Variants in SETDB2 observed in about 807,000 individuals in gnomAD.
SETDB2 encodes the protein SET domain bifurcated histone lysine methyltransferase 2.
SETDB2 carries 56 observed loss-of-function variants against 82.5 expected under a neutral mutation model. That is an observed-to-expected ratio of 0.68 (90% confidence interval 0.55 to 0.85). The LOEUF (loss-of-function observed/expected upper bound fraction) is 0.85. SETDB2 is among the 40% of genes least tolerant of loss of function. SETDB2 has a pLI of 0.00. For synonymous variants in SETDB2, 272 were observed against 284.9 expected, an observed-to-expected ratio of 0.95 and a Z score of 0.46; for missense variants, 677 against 816.4, an observed-to-expected ratio of 0.83 and a Z score of 2.08.
chr13:49,469,394 G>A lies in SETDB2; in HGVS notation c.305+1434G>A, dbSNP rs561313605. On this transcript the variant is annotated intron_variant, in intron 5 of 13. Coordinates refer to ENST00000611815, the MANE Select transcript of SETDB2 (RefSeq NM_001160308.3). ...AAGGTTCACTGCCATAGCATTCTGT[G>A]GCATTGCCAGACATTATTCAGACTT... Among the ~76,000 whole-genome samples the A allele has an allele frequency of 1.7e-3, 257 of 152,266 alleles. 1 individual carries two copies. Among genetic ancestry groups the A allele is most frequent in the African/African-American group, 6.1e-3 (252 of 41,548 alleles).
intron 4 of SETDB2, among the ~76,000 whole-genome samples, chr13:49,462,033 A>G (rs1217234542): frequency 6.6e-6 from 1 of 152,198 alleles, no homozygotes; most frequent in Admixed American, 6.5e-5. Flanking sequence ...TGAGAACAGG[A>G]GCTTCTGTCC....
chr13:49,489,581 G>C (rs1433289647), intron 12 of SETDB2, among the ~76,000 whole-genome samples: 1 of 143,018 alleles, frequency 7.0e-6, no homozygotes, highest in Non-Finnish European at 1.5e-5. Flanking sequence ...CTCTCTGTAG[G>C]TCATCATATT....
chr13:49,467,810 A>G (rs1179629395), intron 4 of SETDB2, 54 bp from the exon 5 acceptor site: 7 of 1,374,156 alleles, frequency 5.1e-6, no homozygotes, highest in Admixed American at 2.0e-5. Flanking sequence ...GGGTACTTAT[A>G]GCAAATGGTT....
At chr13:49,482,669 A>G in intron 8 of SETDB2, 68 bp from the exon 9 acceptor site, 3 of 995,210 alleles carry the variant, frequency 3.0e-6, no homozygotes, top group Non-Finnish European at 3.0e-6. Context: ...GAGTAGAAAT[A>G]GAGATGTCTG....
Position 49,476,813 on chromosome 13 carries a change from T to C in SETDB2, c.643T>C (p.Tyr215His). 1 of 1,613,994 alleles carries C rather than the reference T, an allele frequency of 6.2e-7. No individual in the cohort carries two copies. Among genetic ancestry groups the C allele is most frequent in the Non-Finnish European group, 8.5e-7 (1 of 1,179,928 alleles). ...LFTDNFSFNTYVQLARNYPKQ... is the reference protein window; with the variant it reads ...LFTDNFSFNTHVQLARNYPKQ... ...TACAGATAACTTTTCTTTCAATACCTATGTTCAGTTGGCTCGGAATTACCC... is the reference window on the plus strand; with the variant it reads ...TACAGATAACTTTTCTTTCAATACCCATGTTCAGTTGGCTCGGAATTACCC... The change falls in exon 6 of 14, where the codon TAT becomes CAT. Residue 215 changes from tyrosine to histidine, a missense_variant. Tyr to His is a moderately conservative substitution (Grantham distance 83). Coordinates refer to ENST00000611815, the MANE Select transcript of SETDB2 (RefSeq NM_001160308.3).
chr13:49,487,892 C>G (rs573368210), intron 11 of SETDB2, among the ~76,000 whole-genome samples: 2 of 152,046 alleles, frequency 1.3e-5, no homozygotes, highest in Admixed American at 6.6e-5. Flanking sequence ...AGAGTGCCTC[C>G]AAAACACCCA....
At chr13:49,485,822 A>C in intron 11 of SETDB2, 99 bp downstream of exon 11, 1 of 1,039,940 alleles carries the variant, frequency 9.6e-7, no homozygotes, top group Non-Finnish European at 1.5e-6. Flanking sequence ...CATAATAAAC[A>C]TGCTGCATTT....
intron 2 of SETDB2, among the ~76,000 whole-genome samples, chr13:49,454,428 A>G (rs975515581): frequency 6.6e-6 from 1 of 152,148 alleles, no homozygotes; most frequent in Non-Finnish European, 1.5e-5. Flanking sequence ...ATAAATAAAA[A>G]TAGAATTTTA....
chr13:49,479,340 G>T (rs1958432071), intron 6 of SETDB2, among the ~76,000 whole-genome samples: 1 of 152,128 alleles, frequency 6.6e-6, no homozygotes, highest in Admixed American at 6.5e-5. Flanking sequence ...ATTATTATCT[G>T]TATTTTTCTG....
chr13:49,445,692 G>C (rs569879958), intron 1 of SETDB2: 1 of 152,064 alleles, frequency 6.6e-6, no homozygotes, highest in South Asian at 2.1e-4. Flanking sequence ...ACTTTGGGAG[G>C]CTGAGGCGGG....
chr13:49,455,323 G>A (rs1337171368), intron 2 of SETDB2, among the ~76,000 whole-genome samples: 4 of 152,148 alleles, frequency 2.6e-5, no homozygotes, highest in Non-Finnish European at 5.9e-5. Context: ...ATTCCTTAAA[G>A]GTTAGTTGGA....
At chr13:49,462,993 A>C (rs893330592) in intron 4 of SETDB2, among the ~76,000 whole-genome samples, 3 of 152,042 alleles carry the variant, frequency 2.0e-5, no homozygotes, top group African/African-American at 7.2e-5. Context: ...AGAGACATAA[A>C]CAAATGTGTT....
At chr13:49,472,791 T>C (rs575363042) in intron 5 of SETDB2, among the ~76,000 whole-genome samples, 1 of 152,330 alleles carries the variant, frequency 6.6e-6, no homozygotes, top group South Asian at 2.1e-4. Context: ...TCTGTTTTTT[T>C]CTCTTCTCCT....
chr13:49,467,894 A>G lies in SETDB2; in HGVS notation c.239A>G (p.Glu80Gly). ...ATGCCTGTGACTCAGAAGGAACAGG[A>G]AAACAAATCCAATGCATTTCCCTCT... is the stretch of plus-strand genomic sequence containing the variant. ...DPMPVTQKEQ[E>G]NKSNAFPSTS... The change falls in exon 5 of 14, where the codon GAA (glutamate) becomes GGA (glycine). Residue 80 changes from glutamate to glycine, a missense_variant. Physicochemically the swap from Glu to Gly is moderately conservative, Grantham distance 98. This residue lies in a region of SETDB2 where 243 missense variants were observed against 237.2 expected (regional missense o/e 1.02). Coordinates refer to ENST00000611815, the MANE Select transcript of SETDB2 (RefSeq NM_001160308.3). 1 of 1,611,468 alleles carries G rather than the reference A, an allele frequency of 6.2e-7. No homozygotes were observed. The highest frequency in any genetic ancestry group is 8.5e-7 in the Non-Finnish European group (1 of 1,179,128).
At chr13:49,489,496 T>A (rs1320396887) in intron 12 of SETDB2, 6 of 150,444 alleles carry the variant, frequency 4.0e-5, no homozygotes, top group Non-Finnish European at 5.9e-5. Flanking sequence ...GTGAAAACTT[T>A]TTGTTTAAAA....
In SETDB2 at chr13:49,444,342, T is replaced by C. The variant is rs900520946; in HGVS notation, c.-857T>C. Reference sequence around the variant, plus strand: ...CTGTTGTGGTTGAGATGAAGGCTAGTAAATGGTGAAGTACTTCCCGGCCAG... The same window carrying C: ...CTGTTGTGGTTGAGATGAAGGCTAGCAAATGGTGAAGTACTTCCCGGCCAG... On this transcript the variant is annotated 5_prime_UTR_variant, in exon 1 of 14. Transcript: ENST00000611815. 2.0e-5 allele frequency: 5 copies of C among 255,256 alleles called. No individual in the cohort carries two copies. The highest frequency in any genetic ancestry group is 6.9e-5 in the African/African-American group (3 of 43,406). 15.8% of individuals were successfully genotyped at this position (255,256 alleles called of 1,614,324 possible). A position where few individuals can be genotyped will look rare whatever the true frequency, so the allele number is the denominator to read the frequency against.
chr13:49,464,080 C>G (rs775595565), intron 4 of SETDB2: 7 of 773,444 alleles, frequency 9.1e-6, no homozygotes, highest in Middle Eastern at 2.2e-4. Context: ...GCACATTATA[C>G]CACCCTAATA....
intron 10 of SETDB2, among the ~76,000 whole-genome samples, chr13:49,484,948 CATTTCTTTTATCTGTAAAA>C (rs925551966): frequency 6.6e-6 from 1 of 152,198 alleles, no homozygotes; most frequent in African/African-American, 2.4e-5. Flanking sequence ...TCCATACATA[CATTTCTTTTATCTGTAAAA>C]AGGTAATAGT....
At chr13:49,457,731 C>T (rs534876822) in intron 2 of SETDB2, among the ~76,000 whole-genome samples, 47 of 152,132 alleles carry the variant, frequency 3.1e-4, no homozygotes, top group Non-Finnish European at 5.3e-4. Context: ...GCCTCTAAAA[C>T]AATTTTAAAT....
Sources: allele counts gnomAD v4.1 joint callset (sites outside exome capture counted in the v4.1 genomes callset), GRCh38; gene constraint gnomAD v4.1.1; regional missense constraint gnomAD v4.1.1; transcripts MANE v1.5; gene names NCBI Gene and HGNC (gene_info 2026-07-23, HGNC 2026-07-21).